The following ABCA4 variants were observed in gnomAD, a reference collection of about 807,000 sequenced individuals.
ABCA4 encodes retinal-specific phospholipid-transporting ATPase ABCA4.
Under a neutral mutation model 263.7 loss-of-function variants are expected in ABCA4, and 196 were observed. The ratio of observed to expected loss-of-function variants is 0.74; its 90% confidence interval spans 0.66 to 0.84. The LOEUF is 0.84. Among genes scored for constraint, ABCA4 ranks in the 40% least tolerant of loss-of-function variants. ABCA4 has a pLI of 0.00. For missense variants in ABCA4, 2,792 were observed against 2,855.1 expected (o/e 0.98, Z 0.50); for synonymous variants, 1,133 against 1,094.2 (o/e 1.04, Z -0.70).
chr1:94,047,068 T>G lies in ABCA4; in HGVS notation c.2769A>C (p.Pro923=). The change falls in exon 19 of 50, where the codon CCA becomes CCC. Residue 923 remains proline (P), a synonymous_variant. Transcript: ENST00000370225. ...IHDSFFEREH[P]GWVPGVCVKN... Reference sequence around the variant, plus strand: ...TCACGCATACCCCAGGAACCCACCCTGGATGCTCACGTTCAAAGAAGGAGT... The same window carrying G: ...TCACGCATACCCCAGGAACCCACCCGGGATGCTCACGTTCAAAGAAGGAGT... 1 of 1,614,150 alleles carries G rather than the reference T, an allele frequency of 6.2e-7. No homozygotes were observed. The highest frequency in any genetic ancestry group is 8.5e-7 in the Non-Finnish European group (1 of 1,180,012).
intron 4 of ABCA4, among the ~76,000 whole-genome samples, chr1:94,107,308 C>CTA (rs2101152640): frequency 6.6e-6 from 1 of 152,300 alleles, no homozygotes; most frequent in East Asian, 1.9e-4. Flanking sequence ...CCAGAGCAGC[C>CTA]TTTCCTCAGA....
intron 23 of ABCA4, 97 bp from the exon 24 acceptor site, chr1:94,040,224 T>C (rs1660452523): frequency 1.0e-6 from 1 of 966,422 alleles, no homozygotes; most frequent in African/African-American, 1.6e-5. Flanking sequence ...TTTATTTATT[T>C]CTCACTGCCA....
At chr1:94,075,451 T>A (rs531653924) in intron 11 of ABCA4, among the ~76,000 whole-genome samples, 20 of 152,332 alleles carry the variant, frequency 1.3e-4, no homozygotes, top group African/African-American at 4.8e-4. Flanking sequence ...GGTGCTGCTG[T>A]CATGACTGGC....
chr1:94,021,215 T>C (rs1415274109), intron 35 of ABCA4, 25 bp downstream of exon 35: 2 of 1,613,836 alleles, frequency 1.2e-6, no homozygotes, highest in Non-Finnish European at 1.7e-6. Flanking sequence ...AAGAAAGTGG[T>C]GAGGCTGGGG....
intron 4 of ABCA4, among the ~76,000 whole-genome samples, chr1:94,104,792 T>C (rs1408578429): frequency 6.6e-6 from 1 of 152,174 alleles, no homozygotes; most frequent in Admixed American, 6.5e-5. Flanking sequence ...CCTTATATTC[T>C]AGTCTTCCCT....
At chr1:94,014,763 T>C in intron 37 of ABCA4, 73 bp from the exon 38 acceptor site, 1 of 1,583,866 alleles carries the variant, frequency 6.3e-7, no homozygotes, top group South Asian at 1.1e-5. Flanking sequence ...CTGGATATAA[T>C]GCACTCCCCT....
chr1:94,007,820 T>A, intron 42 of ABCA4, 80 bp from the exon 43 acceptor site: 1 of 1,345,736 alleles, frequency 7.4e-7, no homozygotes, highest in Non-Finnish European at 1.1e-6. Flanking sequence ...AGTGTGTGTG[T>A]GAGCTGGGGG....
intron 4 of ABCA4, among the ~76,000 whole-genome samples, chr1:94,105,730 G>C (rs1323378214): frequency 6.6e-6 from 1 of 152,024 alleles, no homozygotes; most frequent in Non-Finnish European, 1.5e-5. Context: ...AGACCACAGA[G>C]CTTGCTTCGA....
chr1:94,093,655 G>GC (rs34606095), intron 6 of ABCA4, among the ~76,000 whole-genome samples: 111,275 of 152,086 alleles, frequency 0.73, 41,040 homozygotes, highest in East Asian at 0.83. Context: ...ATCCATAAAA[G>GC]AACATCTGAT....
intron 11 of ABCA4, among the ~76,000 whole-genome samples, chr1:94,073,231 C>A (rs1447459113): frequency 6.6e-6 from 1 of 152,220 alleles, no homozygotes; most frequent in Non-Finnish European, 1.5e-5. Flanking sequence ...TCCCCGCTAT[C>A]TTCTCCTTTC....
intron 6 of ABCA4, among the ~76,000 whole-genome samples, chr1:94,095,610 T>C (rs1662104806): frequency 6.6e-6 from 1 of 152,142 alleles, no homozygotes; most frequent in Admixed American, 6.5e-5. Context: ...GCCTGCCTGA[T>C]GCTCCTTTCA....
In ABCA4 at chr1:94,000,991, G is replaced by A. The variant is rs781077412; in HGVS notation, c.6386+11C>T. The A allele has an allele frequency of 1.7e-5, 27 of 1,613,984 alleles. No homozygotes were observed. The highest frequency in any genetic ancestry group is 2.1e-5 in the Non-Finnish European group (25 of 1,179,978). ...TCCCACCCACCTTCCCCAGCCCTGG[G>A]AATCTCTTGCCTGTGGGATGTGAGG... On this transcript the variant is annotated intron_variant, in intron 46 of 49. Coordinates refer to ENST00000370225, the MANE Select transcript of ABCA4 (RefSeq NM_000350.3).
At chr1:94,020,310 C>T (rs1659861631) in intron 35 of ABCA4, among the ~76,000 whole-genome samples, 1 of 152,188 alleles carries the variant, frequency 6.6e-6, no homozygotes, top group Admixed American at 6.5e-5. Context: ...AGGCATCTGG[C>T]TGAGGGGTAA....
chr1:93,992,939 A>T lies in ABCA4; in HGVS notation c.*298T>A, dbSNP rs1472355770. The T allele has an allele frequency of 6.1e-6, 3 of 490,248 alleles. No individual in the cohort carries two copies. Among genetic ancestry groups the T allele is most frequent in the African/African-American group, 5.8e-5 (3 of 51,426 alleles). 30.4% of individuals were successfully genotyped at this position (490,248 alleles called of 1,614,324 possible). A position where few individuals can be genotyped will look rare whatever the true frequency, so the allele number is the denominator to read the frequency against. On this transcript the variant is annotated 3_prime_UTR_variant, in exon 50 of 50. Transcript: ENST00000370225. Reference sequence around the variant, plus strand: ...AAGCAGATCTGCTTGAAATGAGAGCAATATGGAGGCCAAAGCTGCTAGTGG... The same window carrying T: ...AAGCAGATCTGCTTGAAATGAGAGCTATATGGAGGCCAAAGCTGCTAGTGG...
intron 6 of ABCA4, among the ~76,000 whole-genome samples, chr1:94,088,004 A>C (rs929695994): frequency 2.0e-5 from 3 of 152,162 alleles, no homozygotes; most frequent in African/African-American, 7.2e-5. Context: ...CCCTAGCTAC[A>C]GTCTAATTTC....
chr1:94,057,968 C>T (rs1661023832), intron 14 of ABCA4, among the ~76,000 whole-genome samples: 1 of 152,200 alleles, frequency 6.6e-6, no homozygotes, highest in African/African-American at 2.4e-5. Context: ...CAGTAGTTCC[C>T]TGGAGCTCTG....
At chr1:94,026,089 C>T (rs566066744) in intron 30 of ABCA4, among the ~76,000 whole-genome samples, 7 of 152,292 alleles carry the variant, frequency 4.6e-5, no homozygotes, top group African/African-American at 1.2e-4. Flanking sequence ...GAACACATTC[C>T]GCTTACATTC....
chr1:94,049,050 G>T, intron 17 of ABCA4, 93 bp from the exon 18 acceptor site: 1 of 1,240,560 alleles, frequency 8.1e-7, no homozygotes, highest in Non-Finnish European at 1.2e-6. Flanking sequence ...GAGCAAATGA[G>T]TTTCCTAGCC....
chr1:94,029,578 T>C lies in ABCA4; in HGVS notation c.4406A>G (p.Asn1469Ser), dbSNP rs745321062. 1 of 1,614,006 alleles carries C rather than the reference T, an allele frequency of 6.2e-7. No individual in the cohort carries two copies. The highest frequency in any genetic ancestry group is 8.5e-7 in the Non-Finnish European group (1 of 1,179,956). ...CTGCTTCTGGAACAGCTGGGTGATG[T>C]TTGGGGACACAGAAGGAGTCTTCCA... Reference protein sequence around the residue: ...TPWKTPSVSPNITQLFQKQKW... With the variant: ...TPWKTPSVSPSITQLFQKQKW... Residue 1469 changes from asparagine to serine, a missense_variant, in exon 30 of 50, where the codon AAC becomes AGC. Physicochemically the swap from Asn to Ser is conservative, Grantham distance 46. Coordinates refer to ENST00000370225, the MANE Select transcript of ABCA4 (RefSeq NM_000350.3).
Sources: gnomAD v4.1 joint callset for allele counts (sites outside exome capture counted in the v4.1 genomes callset) on GRCh38, gnomAD v4.1.1 for gene constraint, MANE v1.5 for transcripts, NCBI Gene and HGNC (gene_info 2026-07-23, HGNC 2026-07-21) for gene names.